SYNJ1: variants seen among roughly 807,000 people sequenced by gnomAD.
SYNJ1 encodes the protein synaptojanin 1, also known as polyphosphatidylinositol phosphatase SYNJ1.
SYNJ1 carries 78 observed loss-of-function variants against 168.2 expected under a neutral mutation model. That is an observed-to-expected ratio of 0.46 (90% CI 0.39 to 0.56). The LOEUF (loss-of-function observed/expected upper bound fraction) is 0.56. Ranked by LOEUF, SYNJ1 falls within the 20% of genes least tolerant of loss-of-function variation. The probability of loss-of-function intolerance (pLI) is 0.00; values close to 1 mark genes in which losing one functional copy is unlikely to be tolerated. For missense variants in SYNJ1, 1,303 were observed against 1,597.6 expected (o/e 0.82, Z 3.14); for synonymous variants, 539 against 548.6 (o/e 0.98, Z 0.24).
intron 15 of SYNJ1, 134 bp downstream of exon 15, chr21:32,670,154 T>A (rs556294651): frequency 3.5e-5 from 22 of 624,914 alleles, no homozygotes; most frequent in Middle Eastern, 5.9e-4. Flanking sequence ...GTATGAGAAA[T>A]GCTCTTTTAC....
chr21:32,633,416 T>C (rs1295693014), intron 32 of SYNJ1, among the ~76,000 whole-genome samples: 1 of 152,170 alleles, frequency 6.6e-6, no homozygotes, highest in East Asian at 1.9e-4. Context: ...ATAAGCAAAT[T>C]AGCTTATCAG....
rs749616130 is a variant in SYNJ1 at position 32,631,217 on chromosome 21, ACAAG to A, written c.*584_*587del. 28 of 1,614,222 alleles carry A rather than the reference ACAAG, an allele frequency of 1.7e-5. No individual in the cohort carries two copies. In the South Asian group the frequency reaches 2.9e-4, roughly 16 times the overall value. ...TTGGCTGATTACCCAGTAAGTCTGA[ACAAG>A]CTGACTTTGACTTCCCTTTCACACC... On this transcript the variant is annotated 3_prime_UTR_variant, in exon 33 of 33. Transcript: ENST00000674351.
intron 18 of SYNJ1, among the ~76,000 whole-genome samples, chr21:32,659,823 T>A (rs572495444): frequency 2.0e-5 from 3 of 152,214 alleles, no homozygotes; most frequent in Non-Finnish European, 4.4e-5. Flanking sequence ...CTCGTCCTGC[T>A]ACATTTCTTG....
intron 2 of SYNJ1, among the ~76,000 whole-genome samples, chr21:32,722,205 A>AAT (rs1195698677): frequency 0.039 from 2,543 of 65,598 alleles, 51 homozygotes; most frequent in Admixed American, 0.093. Context: ...AAAAAAAAAA[A>AAT]ATATATATAT....
In SYNJ1 at chr21:32,638,833, T is replaced by TA; in HGVS notation, c.3915+74dup. 2.9e-6 allele frequency: 4 copies of TA among 1,358,660 alleles called. No homozygotes were observed. In the East Asian group the frequency reaches 9.4e-5, roughly 32 times the overall value. 84.2% of individuals were successfully genotyped at this position (1,358,660 alleles called of 1,614,324 possible). A position where few individuals can be genotyped will look rare whatever the true frequency, so the allele number is the denominator to read the frequency against. ...TATTTTTACTTCTTATAACAGGCAA[T>TA]AATTAAAATAGGTATGTTCAAAGAC... On this transcript the variant is annotated intron_variant, in intron 31 of 32. Transcript: ENST00000674351.
intron 2 of SYNJ1, among the ~76,000 whole-genome samples, chr21:32,702,411 G>A (rs1003769836): frequency 2.6e-5 from 4 of 152,112 alleles, no homozygotes; most frequent in African/African-American, 9.7e-5. Context: ...ATTCTGAAAG[G>A]ACAAAAGTCT....
chr21:32,678,225 A>C (rs553215716), intron 12 of SYNJ1, among the ~76,000 whole-genome samples: 1 of 152,336 alleles, frequency 6.6e-6, no homozygotes, highest in South Asian at 2.1e-4. Context: ...GTTAAGACCA[A>C]GTTACAGAAA....
intron 2 of SYNJ1, among the ~76,000 whole-genome samples, chr21:32,706,704 C>T (rs1569119639): frequency 6.6e-6 from 1 of 151,722 alleles, no homozygotes; most frequent in Non-Finnish European, 1.5e-5. Context: ...CTTGTTATTC[C>T]CTCCCTGTAC....
intron 17 of SYNJ1, 39 bp from the exon 18 acceptor site, chr21:32,665,110 C>T (rs2040872642): frequency 6.4e-7 from 1 of 1,553,558 alleles, no homozygotes; most frequent in African/African-American, 1.4e-5. Context: ...TCAAAACAAT[C>T]AATGTTCAAA....
rs546986773 is a variant in SYNJ1, at chr21:32,638,915, T to C, written c.3908A>G (p.Gln1303Arg). The C allele has an allele frequency of 1.6e-5, 26 of 1,598,070 alleles. No individual in the cohort carries two copies. In the African/African-American group the frequency reaches 3.0e-4, roughly 18 times the overall value. ...GTAACAAATGAGACTTACTTGCGGT[T>C]GTGAGGAAGCTTCTGAAGGCAAGCT... ...SHSLPSEASS[Q>R]PQQEQPSG The change falls in exon 31 of 33, where the codon CAA becomes CGA. Residue 1303 changes from glutamine to arginine, a missense_variant. Around this residue, in one of 2 missense-constraint regions of SYNJ1, gnomAD observed 383 missense variants for 388.8 expected, o/e 0.99. Transcript: ENST00000674351.
chr21:32,635,704 C>T (rs148414443), intron 31 of SYNJ1, among the ~76,000 whole-genome samples: 1 of 152,194 alleles, frequency 6.6e-6, no homozygotes, highest in East Asian at 1.9e-4. Flanking sequence ...GACTACCCTA[C>T]TGAAAATTAG....
chr21:32,723,254 T>C (rs1013457993), intron 2 of SYNJ1, among the ~76,000 whole-genome samples: 20 of 152,240 alleles, frequency 1.3e-4, no homozygotes, highest in Non-Finnish European at 2.5e-4. Context: ...GTGCTAATAG[T>C]ATGAAAGACA....
intron 6 of SYNJ1, among the ~76,000 whole-genome samples, chr21:32,688,792 A>G (rs1045174395): frequency 5.9e-5 from 9 of 152,222 alleles, no homozygotes; most frequent in African/African-American, 2.2e-4. Context: ...CAATTCCAAA[A>G]GAGATTCAGA....
intron 2 of SYNJ1, among the ~76,000 whole-genome samples, chr21:32,710,640 T>C (rs367978551): frequency 1.3e-5 from 2 of 152,104 alleles, no homozygotes; most frequent in South Asian, 2.1e-4. Flanking sequence ...TTCTCCCGCC[T>C]CAACCTCCCA....
chr21:32,692,714 C>T (rs770883517), intron 6 of SYNJ1, among the ~76,000 whole-genome samples: 1 of 152,150 alleles, frequency 6.6e-6, no homozygotes, highest in Non-Finnish European at 1.5e-5. Flanking sequence ...CTACTCAGGA[C>T]GCAACCTTAT....
At chr21:32,666,639 T>C in intron 15 of SYNJ1, 66 bp from the exon 16 acceptor site, 2 of 1,500,706 alleles carry the variant, frequency 1.3e-6, no homozygotes, top group Non-Finnish European at 1.8e-6. Flanking sequence ...TTTATGACAA[T>C]TGTCAATTAT....
At chr21:32,713,401 C>T (rs887223913) in intron 2 of SYNJ1, among the ~76,000 whole-genome samples, 3 of 131,510 alleles carry the variant, frequency 2.3e-5, no homozygotes, top group African/African-American at 8.9e-5. Context: ...CATATGTCAA[C>T]ATGGATGATT....
In SYNJ1 at chr21:32,645,653, C is replaced by A; in HGVS notation, c.3384G>T (p.Pro1128=). The change falls in exon 25 of 33, where the codon CCG becomes CCT. Residue 1128 remains proline, a synonymous_variant. Coordinates refer to ENST00000674351, the MANE Select transcript of SYNJ1 (RefSeq NM_203446.3). Reference sequence around the variant, plus strand: ...GAAATAAAAGGTTGTCACCTGAAGGCGGAGGAGGTCTCTGTGGGGGAGCCG... The same window carrying A: ...GAAATAAAAGGTTGTCACCTGAAGGAGGAGGAGGTCTCTGTGGGGGAGCCG... ...TRPAPPQRPP[P]PSGARSPAPT... 1 of 1,527,070 alleles carries A rather than the reference C, an allele frequency of 6.5e-7. No individual in the cohort carries two copies. Among genetic ancestry groups the A allele is most frequent in the South Asian group, 1.3e-5 (1 of 77,738 alleles). 94.6% of individuals were successfully genotyped at this position (1,527,070 alleles called of 1,614,324 possible). A position where few individuals can be genotyped will look rare whatever the true frequency, so the allele number is the denominator to read the frequency against.
chr21:32,680,449 T>A (rs768015193), intron 11 of SYNJ1, among the ~76,000 whole-genome samples: 1 of 152,276 alleles, frequency 6.6e-6, no homozygotes, highest in African/African-American at 2.4e-5. Flanking sequence ...GAGGCCAGGA[T>A]CCTTAAAAAG....
Sources: gnomAD v4.1 joint callset for allele counts (sites outside exome capture counted in the v4.1 genomes callset) on GRCh38, gnomAD v4.1.1 for gene constraint, gnomAD v4.1.1 regional missense constraint, MANE v1.5 for transcripts, NCBI Gene and HGNC (gene_info 2026-07-23, HGNC 2026-07-21) for gene names.